Variants in ARSJ observed in about 807,000 individuals in gnomAD.
The protein encoded by ARSJ is arylsulfatase family member J, also known as arylsulfatase J.
Under a neutral mutation model 35.9 loss-of-function variants are expected in ARSJ, and 26 were observed. That is an observed-to-expected ratio of 0.72 (90% CI 0.53 to 1.00). ARSJ has a LOEUF of 1.00. ARSJ is among the 50% of genes least tolerant of loss of function. The pLI, the probability that ARSJ is intolerant of heterozygous loss-of-function variation, is 0.00. For synonymous variants in ARSJ, 294 were observed against 267.6 expected, an observed-to-expected ratio of 1.10 and a Z score of -0.96; for missense variants, 667 against 723.6, an observed-to-expected ratio of 0.92 and a Z score of 0.90.
At chr4:113,972,982 A>G (rs1240043201) in intron 1 of ARSJ, among the ~76,000 whole-genome samples, 2 of 152,148 alleles carry the variant, frequency 1.3e-5, no homozygotes, top group Admixed American at 6.5e-5. Flanking sequence ...CAATAGACTC[A>G]TTATCTTTGC....
intron 1 of ARSJ, among the ~76,000 whole-genome samples, chr4:113,942,724 T>C (rs950938949): frequency 6.6e-6 from 1 of 152,088 alleles, no homozygotes; most frequent in Non-Finnish European, 1.5e-5. Flanking sequence ...TGCTAGAATT[T>C]CAGAGGTTTT....
intron 1 of ARSJ, among the ~76,000 whole-genome samples, chr4:113,916,430 G>A (rs1723302707): frequency 2.0e-5 from 3 of 151,844 alleles, no homozygotes; most frequent in Admixed American, 2.0e-4. Flanking sequence ...TGGGTGGTGA[G>A]GTATAGAATA....
rs536358991 is a variant in ARSJ, at chr4:113,964,968, T to C, written c.398+13469A>G. ...ATATGTGGAAAAAAATTATAAAAAC[T>C]TTTCACAGTCAAATTTAAACAAAAG... On this transcript the variant is annotated intron_variant, in intron 1 of 1. Coordinates refer to ENST00000315366, the MANE Select transcript of ARSJ (RefSeq NM_024590.4). Among the ~76,000 whole-genome samples, 67 of 152,186 alleles carry C rather than the reference T, an allele frequency of 4.4e-4. 1 individual carries two copies. In the South Asian group the frequency reaches 0.011, roughly 24 times the overall value.
chr4:113,935,736 C>G (rs1316578315), intron 1 of ARSJ, among the ~76,000 whole-genome samples: 1 of 151,874 alleles, frequency 6.6e-6, no homozygotes, highest in Non-Finnish European at 1.5e-5. Flanking sequence ...AAGGATGTAT[C>G]TGCTACCCTC....
chr4:113,904,653 T>A (rs900655687), intron 1 of ARSJ, among the ~76,000 whole-genome samples: 1 of 151,974 alleles, frequency 6.6e-6, no homozygotes. Context: ...CCCAGATAAT[T>A]TTTTTGTATT....
intron 1 of ARSJ, among the ~76,000 whole-genome samples, chr4:113,920,711 C>T (rs1723616944): frequency 6.6e-6 from 1 of 152,030 alleles, no homozygotes; most frequent in African/African-American, 2.4e-5. Context: ...TTATTAAAGT[C>T]CATGAGGGGA....
chr4:113,973,402 T>C (rs555761861), intron 1 of ARSJ, among the ~76,000 whole-genome samples: 19 of 152,318 alleles, frequency 1.2e-4, no homozygotes, highest in South Asian at 4.1e-4. Context: ...CCCCATAGTA[T>C]TCCCCCTTTC....
chr4:113,929,523 A>T (rs760781030), intron 1 of ARSJ, among the ~76,000 whole-genome samples: 9 of 152,118 alleles, frequency 5.9e-5, no homozygotes, highest in Non-Finnish European at 1.2e-4. Flanking sequence ...CAGTGTCCCC[A>T]GGTTTATCAG....
In ARSJ at chr4:113,901,998, A is replaced by G. The variant is rs2099667226; in HGVS notation, c.*276T>C. ...TTTGGTCAGTTGACTGAAGCACAGC[A>G]GTGGAACTCAGGACTCACCACGTTT... On this transcript the variant is annotated 3_prime_UTR_variant, in exon 2 of 2. Coordinates refer to ENST00000315366, the MANE Select transcript of ARSJ (RefSeq NM_024590.4). 1 of 761,584 alleles carries G rather than the reference A, an allele frequency of 1.3e-6. No individual in the cohort carries two copies. Among genetic ancestry groups the G allele is most frequent in the African/African-American group, 1.8e-5 (1 of 56,724 alleles). The allele number at this position is 761,584 out of a possible 1,614,324, so 47.2% of individuals were successfully genotyped here. A position where few individuals can be genotyped will look rare whatever the true frequency, so the allele number is the denominator to read the frequency against.
intron 1 of ARSJ, among the ~76,000 whole-genome samples, chr4:113,936,299 T>C (rs1724763529): frequency 1.3e-5 from 2 of 151,988 alleles, no homozygotes; most frequent in Admixed American, 6.6e-5. Flanking sequence ...TGATAAGTGA[T>C]ATTTGTTGAG....
At chr4:113,936,771 CTA>C (rs753687883) in intron 1 of ARSJ, among the ~76,000 whole-genome samples, 1 of 151,756 alleles carries the variant, frequency 6.6e-6, no homozygotes, top group Non-Finnish European at 1.5e-5. Context: ...AATTACCAAA[CTA>C]TTTTTATTTT....
chr4:113,952,072 T>C (rs997935236), intron 1 of ARSJ, among the ~76,000 whole-genome samples: 5 of 152,194 alleles, frequency 3.3e-5, no homozygotes, highest in Admixed American at 3.3e-4. Context: ...TTTTTCATTT[T>C]TTAAGAGACA....
rs74347512 is a variant in ARSJ, at chr4:113,979,327, G to T, written c.-493C>A. On this transcript the variant is annotated 5_prime_UTR_variant, in exon 1 of 2. Transcript: ENST00000315366. ...CTGGAAAGAACTGCGAAGTGGACGC[G>T]TCGCGTCTGGCTCTGATCAGACAGA... is the stretch of plus-strand genomic sequence containing the variant. 2,077 of 156,382 alleles carry T rather than the reference G, an allele frequency of 0.013. 115 individuals carry two copies. In the East Asian group the frequency reaches 0.16, roughly 12 times the overall value. The allele number at this position is 156,382 out of a possible 1,614,324, so 9.7% of individuals were successfully genotyped here. A position where few individuals can be genotyped will look rare whatever the true frequency, so the allele number is the denominator to read the frequency against.
rs1035768509 is a variant in ARSJ, at chr4:113,902,964, C to T, written c.1110G>A (p.Val370=). 1 of 1,614,186 alleles carries T rather than the reference C, an allele frequency of 6.2e-7. No individual in the cohort carries two copies. Among genetic ancestry groups the T allele is most frequent in the East Asian group, 2.2e-5 (1 of 44,882 alleles). ...CAGTGATGTGCACAAGTTCCTTACA[C>T]ACTGTTCCCTTGTTTTTCAGAAGTG... is the stretch of plus-strand genomic sequence containing the variant. ...HSPLLKNKGT[V]CKELVHITDW... The change falls in exon 2 of 2, where the codon GTG becomes GTA. Residue 370 remains valine (V), a synonymous_variant. Transcript: ENST00000315366.
intron 1 of ARSJ, among the ~76,000 whole-genome samples, chr4:113,943,865 G>A (rs183129032): frequency 2.6e-4 from 39 of 152,168 alleles, no homozygotes; most frequent in Admixed American, 2.3e-3. Context: ...AATTAGGGAA[G>A]ATGGCAGGAA....
chr4:113,916,978 A>G (rs1222234207), intron 1 of ARSJ, among the ~76,000 whole-genome samples: 1 of 152,160 alleles, frequency 6.6e-6, no homozygotes, highest in Non-Finnish European at 1.5e-5. Context: ...TATAATCAAA[A>G]ACCAACTGAC....
chr4:113,910,109 GAAT>G (rs2099669993), intron 1 of ARSJ, among the ~76,000 whole-genome samples: 1 of 152,070 alleles, frequency 6.6e-6, no homozygotes, highest in African/African-American at 2.4e-5. Context: ...AATTCCACAT[GAAT>G]AATAGTAAAC....
intron 1 of ARSJ, among the ~76,000 whole-genome samples, chr4:113,932,411 T>G (rs939074185): frequency 2.0e-5 from 3 of 152,094 alleles, no homozygotes; most frequent in Non-Finnish European, 2.9e-5. Context: ...TACATATTAT[T>G]TTCAACAGCA....
chr4:113,904,727 G>A (rs1195462110), intron 1 of ARSJ, among the ~76,000 whole-genome samples: 1 of 152,144 alleles, frequency 6.6e-6, no homozygotes, highest in Non-Finnish European at 1.5e-5. Flanking sequence ...CTGACCTCGT[G>A]ATCCGCCCAC....
Sources: gnomAD v4.1 joint callset for allele counts (sites outside exome capture counted in the v4.1 genomes callset) on GRCh38, gnomAD v4.1.1 for gene constraint, MANE v1.5 for transcripts, NCBI Gene and HGNC (gene_info 2026-07-23, HGNC 2026-07-21) for gene names.